Variants in IL1RAPL1 observed in about 807,000 individuals in gnomAD.
The protein encoded by IL1RAPL1 is interleukin-1 receptor accessory protein-like 1.
IL1RAPL1 carries 3 observed loss-of-function variants against 48.4 expected under a neutral mutation model. That is an observed-to-expected ratio of 0.06 (90% CI 0.03 to 0.16). The LOEUF (loss-of-function observed/expected upper bound fraction) is 0.16. Among genes scored for constraint, IL1RAPL1 ranks in the 10% least tolerant of loss-of-function variants. The pLI, the probability that IL1RAPL1 is intolerant of heterozygous loss-of-function variation, is 1.00. For synonymous variants in IL1RAPL1, 185 were observed against 187.7 expected, an observed-to-expected ratio of 0.99 and a Z score of 0.12; for missense variants, 349 against 530.6, an observed-to-expected ratio of 0.66 and a Z score of 3.36.
At chrX:28,701,236 G>A (rs1472585674) in intron 1 of IL1RAPL1, among the ~76,000 whole-genome samples, 2 of 111,714 alleles carry the variant, frequency 1.8e-5, no homozygotes, top group Non-Finnish European at 3.8e-5. Flanking sequence ...TAGTTTAAAG[G>A]TGAAGTGATT....
At chrX:28,840,442 A>G (rs1238726018) in intron 2 of IL1RAPL1, among the ~76,000 whole-genome samples, 1 of 110,646 alleles carries the variant, frequency 9.0e-6, no homozygotes, top group African/African-American at 3.3e-5. Flanking sequence ...TTTATGGGTT[A>G]TGTGAAATAT....
rs529204319 is a variant in IL1RAPL1 at position 29,193,089 on chromosome X, G to A, written c.83-89849G>A. Among the ~76,000 whole-genome samples, 166 of 110,690 alleles carry A rather than the reference G, an allele frequency of 1.5e-3. 2 individuals carry two copies. The highest frequency in any genetic ancestry group is 3.4e-3 in the South Asian group (9 of 2,629). On this transcript the variant is annotated intron_variant, in intron 2 of 10. Transcript: ENST00000378993. ...TTCTTCATATAAAATATAGCTAAAA[G>A]TTGAGTGATTGAAGATAACTTTATT...
intron 2 of IL1RAPL1, among the ~76,000 whole-genome samples, chrX:29,260,435 A>G (rs1032333768): frequency 8.9e-6 from 1 of 112,258 alleles, no homozygotes; most frequent in Admixed American, 9.5e-5. Flanking sequence ...CTTACATGGC[A>G]GCACACAAAA....
chrX:28,883,102 A>G (rs1430987615), intron 2 of IL1RAPL1, among the ~76,000 whole-genome samples: 1 of 111,650 alleles, frequency 9.0e-6, no homozygotes, highest in Non-Finnish European at 1.9e-5. Context: ...ATAACCACAA[A>G]TAAAATACCT....
chrX:29,630,777 A>G (rs1290243959), intron 5 of IL1RAPL1, among the ~76,000 whole-genome samples: 2 of 111,883 alleles, frequency 1.8e-5, no homozygotes, highest in African/African-American at 6.5e-5. Context: ...TGACCTCGTG[A>G]TCCGCCCACC....
rs1006901634 is a variant in IL1RAPL1 at position 28,951,655 on chromosome X, C to A, written c.82+162230C>A. ...AATATTATGGTAGGTTTCAGAAATA[C>A]AGTTTCTACTTTTATTTTATCATTT... is the stretch of plus-strand genomic sequence containing the variant. On this transcript the variant is annotated intron_variant, in intron 2 of 10. Transcript: ENST00000378993. 3.6e-5 allele frequency among the ~76,000 whole-genome samples: 4 copies of A among 110,880 alleles called. No homozygotes were observed. The Admixed American group carries it at 3.9e-4, about 11-fold the overall frequency.
intron 3 of IL1RAPL1, among the ~76,000 whole-genome samples, chrX:29,313,863 C>T (rs1932757256): frequency 8.9e-6 from 1 of 112,066 alleles, no homozygotes; most frequent in South Asian, 3.7e-4. Context: ...TATCAATGCA[C>T]ATTTAAAATA....
chrX:29,364,837 C>T (rs1422694221), intron 3 of IL1RAPL1, among the ~76,000 whole-genome samples: 6 of 110,840 alleles, frequency 5.4e-5, no homozygotes, highest in Non-Finnish European at 1.1e-4. Flanking sequence ...TCAGTGTCCA[C>T]AGGAGGTCCT....
At chrX:28,707,918 T>C (rs1935394600) in intron 1 of IL1RAPL1, among the ~76,000 whole-genome samples, 1 of 111,662 alleles carries the variant, frequency 9.0e-6, no homozygotes, top group African/African-American at 3.3e-5. Context: ...ATGAGATGCG[T>C]GTGGATAAAT....
At chrX:29,044,384 C>G (rs754473237) in intron 2 of IL1RAPL1, among the ~76,000 whole-genome samples, 1 of 110,618 alleles carries the variant, frequency 9.0e-6, no homozygotes, top group Admixed American at 9.7e-5. Flanking sequence ...GAGCCAAGAT[C>G]GCGCCACTAC....
intron 5 of IL1RAPL1, among the ~76,000 whole-genome samples, chrX:29,582,410 T>C (rs1923002089): frequency 9.7e-6 from 1 of 102,899 alleles, no homozygotes; most frequent in African/African-American, 3.7e-5. Context: ...TTTTTTATCA[T>C]ACTTTAAGTT....
At chrX:29,212,003 G>C (rs900107956) in intron 2 of IL1RAPL1, among the ~76,000 whole-genome samples, 2 of 110,578 alleles carry the variant, frequency 1.8e-5, no homozygotes, top group Non-Finnish European at 3.8e-5. Flanking sequence ...TCCAAACTTG[G>C]ATATACAACT....
At chrX:29,308,719 G>C (rs1445201957) in intron 3 of IL1RAPL1, among the ~76,000 whole-genome samples, 1 of 112,124 alleles carries the variant, frequency 8.9e-6, no homozygotes, top group Non-Finnish European at 1.9e-5. Context: ...ATCTGTCCTT[G>C]ACTTCATTGT....
intron 6 of IL1RAPL1, among the ~76,000 whole-genome samples, chrX:29,834,460 A>AC (rs1354687471): frequency 2.9e-5 from 3 of 103,383 alleles, no homozygotes; most frequent in African/African-American, 1.1e-4. Flanking sequence ...TCTCAACGCT[A>AC]CCCCTTGCCA....
intron 6 of IL1RAPL1, among the ~76,000 whole-genome samples, chrX:29,776,646 GA>G (rs1427349062): frequency 8.9e-6 from 1 of 111,833 alleles, no homozygotes; most frequent in Non-Finnish European, 1.9e-5. Context: ...GGGCAGAGAA[GA>G]AAGTTAAAGG....
chrX:29,522,657 A>C (rs867657589), intron 5 of IL1RAPL1, among the ~76,000 whole-genome samples: 1 of 112,103 alleles, frequency 8.9e-6, no homozygotes, highest in African/African-American at 3.2e-5. Flanking sequence ...ATGAAGAGTT[A>C]ATTTCCAATT....
At chrX:29,164,033 A>C (rs777362491) in intron 2 of IL1RAPL1, among the ~76,000 whole-genome samples, 2 of 111,640 alleles carry the variant, frequency 1.8e-5, no homozygotes, top group Non-Finnish European at 3.8e-5. Context: ...CTCTAGGTGA[A>C]AAACATAAAT....
chrX:29,438,328 A>G (rs924241282), intron 5 of IL1RAPL1, among the ~76,000 whole-genome samples: 10 of 111,288 alleles, frequency 9.0e-5, no homozygotes, highest in African/African-American at 3.3e-4. Context: ...TCAAAGAACC[A>G]GTTCATTGCT....
chrX:29,533,832 A>G (rs899421032), intron 5 of IL1RAPL1, among the ~76,000 whole-genome samples: 1 of 111,770 alleles, frequency 8.9e-6, no homozygotes, highest in African/African-American at 3.3e-5. Flanking sequence ...GCTTATTTTC[A>G]TAGATAATCC....
Sources: gnomAD v4.1 joint callset for allele counts (sites outside exome capture counted in the v4.1 genomes callset) on GRCh38, gnomAD v4.1.1 for gene constraint, MANE v1.5 for transcripts, NCBI Gene and HGNC (gene_info 2026-07-23, HGNC 2026-07-21) for gene names.